Variants in HOMER1 observed in about 807,000 individuals in gnomAD.
HOMER1 encodes the protein homer protein homolog 1.
A neutral mutation model predicts 48.9 loss-of-function variants in HOMER1; 3 were observed. The observed-to-expected ratio is 0.06, with a 90% CI of 0.03 to 0.16. The LOEUF is 0.16. Among genes scored for constraint, HOMER1 ranks in the 10% least tolerant of loss-of-function variants. The pLI, the probability that HOMER1 is intolerant of heterozygous loss-of-function variation, is 1.00. For missense variants in HOMER1, 247 were observed against 411.4 expected, an observed-to-expected ratio of 0.60 and a Z score of 3.46; for synonymous variants, 134 against 146.4, an observed-to-expected ratio of 0.92 and a Z score of 0.61.
intron 1 of HOMER1, among the ~76,000 whole-genome samples, chr5:79,489,086 T>C (rs1022521455): frequency 6.6e-6 from 1 of 152,142 alleles, no homozygotes; most frequent in Non-Finnish European, 1.5e-5. Context: ...ATACACAGAC[T>C]CTATTCTCAA....
At chr5:79,389,590 C>A (rs1242447591) in intron 8 of HOMER1, among the ~76,000 whole-genome samples, 2 of 152,174 alleles carry the variant, frequency 1.3e-5, no homozygotes, top group Non-Finnish European at 2.9e-5. Flanking sequence ...GCTCTTCCAT[C>A]TTCCCCGATG....
At chr5:79,410,208 A>C (rs968118700) in intron 5 of HOMER1, among the ~76,000 whole-genome samples, 4 of 152,078 alleles carry the variant, frequency 2.6e-5, no homozygotes, top group African/African-American at 9.7e-5. Flanking sequence ...AATACAACTT[A>C]GGGCCAGGCA....
intron 5 of HOMER1, among the ~76,000 whole-genome samples, chr5:79,411,095 C>T (rs942927087): frequency 3.9e-4 from 60 of 152,162 alleles, no homozygotes; most frequent in African/African-American, 1.4e-3. Flanking sequence ...CAGCTGGTTT[C>T]CTGTTGGCTT....
At chr5:79,423,607 T>C (rs185161028) in intron 5 of HOMER1, among the ~76,000 whole-genome samples, 36 of 152,246 alleles carry the variant, frequency 2.4e-4, no homozygotes, top group Non-Finnish European at 4.7e-4. Flanking sequence ...GGTTCTTTTA[T>C]ATAGCACAAT....
At chr5:79,507,491 C>CA (rs1430486273) in intron 1 of HOMER1, among the ~76,000 whole-genome samples, 13 of 151,868 alleles carry the variant, frequency 8.6e-5, no homozygotes, top group Non-Finnish European at 1.5e-4. Flanking sequence ...ATATGCAACA[C>CA]AAAAAAACTG....
intron 5 of HOMER1, among the ~76,000 whole-genome samples, chr5:79,419,036 T>A (rs961473018): frequency 6.6e-6 from 1 of 152,204 alleles, no homozygotes; most frequent in Non-Finnish European, 1.5e-5. Flanking sequence ...TAAATATCAT[T>A]GCAAAATTTG....
intron 5 of HOMER1, among the ~76,000 whole-genome samples, chr5:79,420,434 G>GT (rs1262441637): frequency 6.6e-6 from 1 of 152,166 alleles, no homozygotes; most frequent in Non-Finnish European, 1.5e-5. Context: ...GGAAGGATGA[G>GT]TTATGTATGA....
At chr5:79,460,033 C>T (rs6862958) in intron 1 of HOMER1, among the ~76,000 whole-genome samples, 55,782 of 111,072 alleles carry the variant, frequency 0.5, 13,714 homozygotes, top group East Asian at 0.86. Context: ...TCTTTCTTTT[C>T]TTTAACAGAT....
intron 6 of HOMER1, among the ~76,000 whole-genome samples, chr5:79,398,891 C>T (rs1301133530): frequency 6.6e-6 from 1 of 152,168 alleles, no homozygotes; most frequent in Non-Finnish European, 1.5e-5. Context: ...CCACTCGGAC[C>T]TAACCGAACC....
chr5:79,503,806 T>C (rs1020946647), intron 1 of HOMER1, among the ~76,000 whole-genome samples: 1 of 151,914 alleles, frequency 6.6e-6, no homozygotes, highest in Non-Finnish European at 1.5e-5. Flanking sequence ...TCGATCATCA[T>C]AAATATTCTT....
chr5:79,491,866 C>T (rs1351233572), intron 1 of HOMER1, among the ~76,000 whole-genome samples: 1 of 152,136 alleles, frequency 6.6e-6, no homozygotes, highest in African/African-American at 2.4e-5. Context: ...AATTGTATCC[C>T]CATTTTACAG....
At chr5:79,435,719 T>C (rs2112270450) in intron 5 of HOMER1, among the ~76,000 whole-genome samples, 1 of 149,510 alleles carries the variant, frequency 6.7e-6, no homozygotes, top group African/African-American at 2.5e-5. Flanking sequence ...TAGTCCCACC[T>C]ACTCGGGAGG....
At chr5:79,430,587 T>C (rs931805273) in intron 5 of HOMER1, among the ~76,000 whole-genome samples, 1 of 152,238 alleles carries the variant, frequency 6.6e-6, no homozygotes, top group Non-Finnish European at 1.5e-5. Flanking sequence ...TTATTCATAA[T>C]ATTGGAACTT....
intron 4 of HOMER1, among the ~76,000 whole-genome samples, chr5:79,444,562 C>T (rs1448982379): frequency 1.3e-5 from 2 of 152,130 alleles, no homozygotes; most frequent in Admixed American, 1.3e-4. Context: ...TTAATCAAAG[C>T]AGAGGCTTAA....
chr5:79,473,988 A>G (rs553563691), intron 1 of HOMER1, among the ~76,000 whole-genome samples: 2 of 152,212 alleles, frequency 1.3e-5, no homozygotes, highest in South Asian at 4.1e-4. Flanking sequence ...CAGAAATAGC[A>G]AAAGTATTTG....
chr5:79,392,424 T>A (rs1749275939), intron 8 of HOMER1, among the ~76,000 whole-genome samples: 1 of 152,202 alleles, frequency 6.6e-6, no homozygotes, highest in Non-Finnish European at 1.5e-5. Context: ...CTTCGTTTTT[T>A]AAAAGAAGTT....
intron 1 of HOMER1, among the ~76,000 whole-genome samples, chr5:79,475,283 A>AGCCCGTATCCTGTCTGGCTCTAGG (rs1751733133): frequency 6.6e-6 from 1 of 152,160 alleles, no homozygotes; most frequent in African/African-American, 2.4e-5. Flanking sequence ...CTGGCTCTAG[A>AGCCCGTATCCTGTCTGGCTCTAGG]GCCCGTATCT....
chr5:79,390,586 C>T (rs1749223899), intron 8 of HOMER1, among the ~76,000 whole-genome samples: 1 of 152,020 alleles, frequency 6.6e-6, no homozygotes, highest in Non-Finnish European at 1.5e-5. Context: ...GAGTCATCTA[C>T]TAGAAAATAT....
At chr5:79,441,037 G>A (rs1275447626) in intron 4 of HOMER1, among the ~76,000 whole-genome samples, 1 of 152,132 alleles carries the variant, frequency 6.6e-6, no homozygotes, top group Non-Finnish European at 1.5e-5. Context: ...GCAGGTGCCT[G>A]TAGTCCCAGC....
Sources: gnomAD v4.1 joint callset for allele counts (sites outside exome capture counted in the v4.1 genomes callset) on GRCh38, gnomAD v4.1.1 for gene constraint, MANE v1.5 for transcripts, NCBI Gene and HGNC (gene_info 2026-07-23, HGNC 2026-07-21) for gene names.